PLXNA4: variants seen among roughly 807,000 people sequenced by gnomAD.
PLXNA4 encodes the protein plexin A4.
Under a neutral mutation model 191.8 loss-of-function variants are expected in PLXNA4, and 44 were observed. The observed-to-expected ratio is 0.23, with a 90% CI of 0.18 to 0.29. The LOEUF (loss-of-function observed/expected upper bound fraction) is 0.29, where lower values mean the gene tolerates loss of function less well. Ranked by LOEUF, PLXNA4 falls within the 10% of genes least tolerant of loss-of-function variation. The pLI, the probability that PLXNA4 is intolerant of heterozygous loss-of-function variation, is 1.00. For synonymous variants in PLXNA4, 1,082 were observed against 1,009.5 expected (o/e 1.07, Z -1.36); for missense variants, 1,800 against 2,488.8 (o/e 0.72, Z 5.89).
At chr7:132,322,311 A>G (rs937484404) in intron 3 of PLXNA4, among the ~76,000 whole-genome samples, 1 of 151,432 alleles carries the variant, frequency 6.6e-6, no homozygotes, top group Non-Finnish European at 1.5e-5. Context: ...CCTCCCAAGT[A>G]GCTGAGATTA....
chr7:132,242,454 C>T (rs1398515641), intron 4 of PLXNA4, among the ~76,000 whole-genome samples: 3 of 152,152 alleles, frequency 2.0e-5, no homozygotes, highest in Non-Finnish European at 2.9e-5. Flanking sequence ...GGCAAACTGG[C>T]ACCAGAGCTT....
At chr7:132,488,133 A>G (rs1232259090) in intron 3 of PLXNA4, among the ~76,000 whole-genome samples, 4 of 152,124 alleles carry the variant, frequency 2.6e-5, no homozygotes, top group Admixed American at 6.5e-5. Context: ...GTCATTACCC[A>G]TAGAATTACT....
intron 2 of PLXNA4, among the ~76,000 whole-genome samples, chr7:132,635,165 C>A (rs1803571784): frequency 1.3e-5 from 1 of 79,292 alleles, no homozygotes; most frequent in Non-Finnish European, 2.3e-5. Flanking sequence ...TTAATAAACT[C>A]CCCTTTATAT....
rs1562892205 is a variant in PLXNA4 at position 132,165,215 on chromosome 7, CG to C, written c.4287-16del. Reference sequence around the variant, plus strand: ...CTGACTCAGTCCTGTCAGCAGTCACCGAGGGAACCAACGGAACAAGACAAAG... The same window carrying C: ...CTGACTCAGTCCTGTCAGCAGTCACCAGGGAACCAACGGAACAAGACAAAG... On this transcript the variant is annotated splice_polypyrimidine_tract_variant and intron_variant, in intron 22 of 31. Transcript: ENST00000321063. 6.2e-7 allele frequency: 1 copy of C among 1,609,834 alleles called. No individual in the cohort carries two copies. Among genetic ancestry groups the C allele is most frequent in the East Asian group, 2.2e-5 (1 of 44,784 alleles).
intron 4 of PLXNA4, among the ~76,000 whole-genome samples, chr7:132,292,024 A>G (rs1800910947): frequency 6.6e-6 from 1 of 152,080 alleles, no homozygotes; most frequent in Non-Finnish European, 1.5e-5. Context: ...CGAACTCCTG[A>G]CCTCAGGTGA....
chr7:132,167,425 A>C (rs1291345167), intron 22 of PLXNA4, among the ~76,000 whole-genome samples: 1 of 152,226 alleles, frequency 6.6e-6, no homozygotes, highest in African/African-American at 2.4e-5. Context: ...ACTTTCCTTC[A>C]GTGCTTCTCA....
At chr7:132,288,163 C>T (rs1460051855) in intron 4 of PLXNA4, among the ~76,000 whole-genome samples, 2 of 152,198 alleles carry the variant, frequency 1.3e-5, no homozygotes, top group African/African-American at 2.4e-5. Context: ...CTCTGGATGA[C>T]CTGCTCCCTC....
intron 3 of PLXNA4, among the ~76,000 whole-genome samples, chr7:132,369,093 C>G (rs529183788): frequency 6.6e-5 from 10 of 152,276 alleles, no homozygotes; most frequent in Admixed American, 6.5e-4. Context: ...TGCTCAGAGC[C>G]CAGAGCCTCT....
At chr7:132,626,601 A>C (rs184397553) in intron 2 of PLXNA4, among the ~76,000 whole-genome samples, 16 of 152,258 alleles carry the variant, frequency 1.1e-4, no homozygotes, top group Non-Finnish European at 1.9e-4. Flanking sequence ...CGGCCATGTA[A>C]TGTGCCTGCT....
At chr7:132,399,437 ACT>A (rs1216659304) in intron 3 of PLXNA4, among the ~76,000 whole-genome samples, 10 of 152,326 alleles carry the variant, frequency 6.6e-5, no homozygotes, top group African/African-American at 2.4e-4. Flanking sequence ...TGAATGAAAG[ACT>A]CTGAATAATA....
At chr7:132,459,193 C>T (rs981315123) in intron 3 of PLXNA4, among the ~76,000 whole-genome samples, 2 of 152,184 alleles carry the variant, frequency 1.3e-5, no homozygotes, top group African/African-American at 4.8e-5. Flanking sequence ...AAGACGGCAG[C>T]TCTGAGGATC....
intron 4 of PLXNA4, among the ~76,000 whole-genome samples, chr7:132,292,919 A>G (rs182621488): frequency 6.6e-6 from 1 of 152,322 alleles, no homozygotes; most frequent in East Asian, 1.9e-4. Flanking sequence ...CAGCCACAGG[A>G]AAAGCCAGAG....
chr7:132,389,923 G>A (rs1487286473), intron 3 of PLXNA4, among the ~76,000 whole-genome samples: 1 of 152,180 alleles, frequency 6.6e-6, no homozygotes, highest in Non-Finnish European at 1.5e-5. Flanking sequence ...CACAACAGAT[G>A]CCAGAGAGGA....
chr7:132,144,702 C>A (rs1343784801), intron 29 of PLXNA4, among the ~76,000 whole-genome samples: 1 of 152,198 alleles, frequency 6.6e-6, no homozygotes, highest in Non-Finnish European at 1.5e-5. Flanking sequence ...GACTTCCTTG[C>A]CTCTCACCCT....
At chr7:132,163,561 T>G (rs2116644739) in intron 24 of PLXNA4, among the ~76,000 whole-genome samples, 1 of 152,298 alleles carries the variant, frequency 6.6e-6, no homozygotes, top group Middle Eastern at 3.4e-3. Context: ...TGCTAAGCCT[T>G]GGTGCCTCCT....
rs561115739 is a variant in PLXNA4, at chr7:132,166,174, C to T, written c.4287-974G>A. Among the ~76,000 whole-genome samples, 6 of 151,656 alleles carry T rather than the reference C, an allele frequency of 4.0e-5. No homozygotes were observed. In the South Asian group the frequency reaches 6.3e-4, roughly 16 times the overall value. Reference sequence around the variant, plus strand: ...ATCTTGCCACTGCACTCCAGCCTGGCGACAGAGTGAGACTCCGTCTCAAAA... The same window carrying T: ...ATCTTGCCACTGCACTCCAGCCTGGTGACAGAGTGAGACTCCGTCTCAAAA... On this transcript the variant is annotated intron_variant, in intron 22 of 31. Transcript: ENST00000321063.
At position 132,203,499 on chromosome 7, in the gene PLXNA4, G is replaced by A. The variant is rs140089309; in HGVS notation, c.2299-80C>T. 1,548 of 1,263,200 alleles carry A rather than the reference G, an allele frequency of 1.2e-3. 21 individuals carry two copies. The African/African-American group carries it at 0.02, about 16-fold the overall frequency. 78.2% of individuals were successfully genotyped at this position (1,263,200 alleles called of 1,614,324 possible). On this transcript the variant is annotated intron_variant, in intron 10 of 31. Transcript: ENST00000321063. The stretch of plus-strand genomic sequence containing the variant: ...GAGAGGGCCCAAATGATCAGCCTAC[G>A]GCCGTTAAGAGCTCACAGGCTAAAG...
In PLXNA4 at chr7:132,322,511, C is replaced by T. The variant is rs113582207; in HGVS notation, c.1372-24289G>A. Among the ~76,000 whole-genome samples, 829 of 152,250 alleles carry T rather than the reference C, an allele frequency of 5.4e-3. 7 individuals carry two copies. Among genetic ancestry groups the T allele is most frequent in the Middle Eastern group, 0.014 (4 of 294 alleles). ...AGGGTTGCCTTTTTCATTTCTGTCT[C>T]CTAGATGTCACATCAGGTTTTAAGA... is the stretch of plus-strand genomic sequence containing the variant. On this transcript the variant is annotated intron_variant, in intron 3 of 31. Coordinates refer to ENST00000321063, the MANE Select transcript of PLXNA4 (RefSeq NM_020911.2).
chr7:132,546,460 G>A (rs775030941), intron 1 of PLXNA4, among the ~76,000 whole-genome samples: 39 of 152,156 alleles, frequency 2.6e-4, no homozygotes, highest in Admixed American at 2.0e-3. Context: ...GAACTCTGGT[G>A]AAAGCCATTT....
Sources: allele counts gnomAD v4.1 joint callset (sites outside exome capture counted in the v4.1 genomes callset), GRCh38; gene constraint gnomAD v4.1.1; transcripts MANE v1.5; gene names NCBI Gene and HGNC (gene_info 2026-07-23, HGNC 2026-07-21).